Variants in PDE7B observed in about 807,000 individuals in gnomAD.
The protein encoded by PDE7B is 3',5'-cyclic-AMP phosphodiesterase 7B.
Under a neutral mutation model 56.2 loss-of-function variants are expected in PDE7B, and 29 were observed. That is an observed-to-expected ratio of 0.52 (90% CI 0.38 to 0.70). The LOEUF is 0.70. Among genes scored for constraint, PDE7B ranks in the 30% least tolerant of loss-of-function variants. The pLI, the probability that PDE7B is intolerant of heterozygous loss-of-function variation, is 0.00. For synonymous variants in PDE7B, 197 were observed against 196.9 expected (o/e 1.00, Z 0.00); for missense variants, 490 against 565.0 (o/e 0.87, Z 1.35).
intron 2 of PDE7B, among the ~76,000 whole-genome samples, chr6:136,042,411 C>T (rs186052721): frequency 2.8e-4 from 42 of 152,268 alleles, no homozygotes; most frequent in African/African-American, 8.4e-4. Context: ...ACCAAATAAC[C>T]GCAAACTCTG....
In PDE7B at chr6:136,015,964, G is replaced by A. The variant is rs117914030; in HGVS notation, c.82+68440G>A. ...TGAATTTGATATCTTTATTTTTAAT[G>A]TATGGAAAAGATGATGTTTTTCACT... On this transcript the variant is annotated intron_variant, in intron 2 of 12. Coordinates refer to ENST00000308191, the MANE Select transcript of PDE7B (RefSeq NM_018945.4). Among the ~76,000 whole-genome samples the A allele has an allele frequency of 1.7e-3, 256 of 152,222 alleles. 2 individuals carry two copies. In the East Asian group the frequency reaches 0.028, roughly 17 times the overall value.
chr6:136,104,563 TC>T (rs1777616534), intron 2 of PDE7B, among the ~76,000 whole-genome samples: 1 of 152,160 alleles, frequency 6.6e-6, no homozygotes, highest in Non-Finnish European at 1.5e-5. Context: ...CAATTTAATA[TC>T]AGAACAGGCT....
At chr6:135,862,500 T>A (rs1775169331) in intron 1 of PDE7B, among the ~76,000 whole-genome samples, 1 of 151,912 alleles carries the variant, frequency 6.6e-6, no homozygotes. Context: ...TTTTTTGTTA[T>A]GGCCTTATCA....
At chr6:136,056,821 C>T (rs1010288115) in intron 2 of PDE7B, among the ~76,000 whole-genome samples, 5 of 152,010 alleles carry the variant, frequency 3.3e-5, no homozygotes, top group East Asian at 1.9e-4. Flanking sequence ...CGTGAGCCAC[C>T]GCGCTTGGCC....
chr6:136,172,334 C>G (rs1034066581), intron 8 of PDE7B, among the ~76,000 whole-genome samples: 14 of 152,226 alleles, frequency 9.2e-5, no homozygotes, highest in African/African-American at 2.9e-4. Context: ...GCCATTCTAA[C>G]TGGTGTGAGA....
In PDE7B at chr6:136,155,643, C is replaced by T. The variant is rs536911085; in HGVS notation, c.596C>T (p.Thr199Met). 15 of 1,609,366 alleles carry T rather than the reference C, an allele frequency of 9.3e-6. No homozygotes were observed. Among genetic ancestry groups the T allele is most frequent in the African/African-American group, 2.7e-5 (2 of 74,928 alleles). ...LKEPKLASFL[T>M]PLDIMLGLLA... ...TTTTAACAGCTTGCCAGCTTCCTCA[C>T]GCCTCTGGACATCATGCTTGGACTG... The change falls in exon 8 of 13, where the codon ACG becomes ATG. Residue 199 changes from threonine (T) to methionine (M), a missense_variant. Physicochemically the swap from Thr to Met is moderately conservative, Grantham distance 81. Transcript: ENST00000308191.
chr6:136,021,659 A>AT (rs1776074643), intron 2 of PDE7B, among the ~76,000 whole-genome samples: 1 of 151,836 alleles, frequency 6.6e-6, no homozygotes, highest in African/African-American at 2.4e-5. Context: ...AAAAAAAAAA[A>AT]TCCTGAAACT....
At chr6:135,922,233 G>C (rs1056392171) in intron 1 of PDE7B, among the ~76,000 whole-genome samples, 14 of 152,126 alleles carry the variant, frequency 9.2e-5, no homozygotes, top group African/African-American at 2.9e-4. Context: ...CACAAGCCCA[G>C]AGTGGCATTT....
chr6:136,102,976 A>G (rs1445310574), intron 2 of PDE7B, among the ~76,000 whole-genome samples: 1 of 152,204 alleles, frequency 6.6e-6, no homozygotes, highest in Non-Finnish European at 1.5e-5. Flanking sequence ...GCAAATCAAG[A>G]TTTTTAAGAA....
intron 1 of PDE7B, among the ~76,000 whole-genome samples, chr6:135,883,481 TA>T (rs1470103709): frequency 1.1e-4 from 17 of 152,224 alleles, no homozygotes; most frequent in African/African-American, 3.1e-4. Flanking sequence ...CTATGAAAAG[TA>T]ATTTCTAAGT....
intron 2 of PDE7B, among the ~76,000 whole-genome samples, chr6:135,962,408 G>A (rs975014327): frequency 2.1e-4 from 32 of 152,062 alleles, no homozygotes; most frequent in Non-Finnish European, 3.5e-4. Flanking sequence ...AGTTGAATGC[G>A]AGAATTATAA....
chr6:135,903,643 A>G (rs1776045235), intron 1 of PDE7B, among the ~76,000 whole-genome samples: 2 of 152,246 alleles, frequency 1.3e-5, no homozygotes, highest in African/African-American at 2.4e-5. Flanking sequence ...AAAGAGGTCC[A>G]TGAACAAATT....
At chr6:135,923,871 T>C (rs1410810795) in intron 1 of PDE7B, among the ~76,000 whole-genome samples, 1 of 152,164 alleles carries the variant, frequency 6.6e-6, no homozygotes, top group Non-Finnish European at 1.5e-5. Context: ...ACCAACCAGT[T>C]GTTACCAAGA....
At chr6:135,987,547 CTTGAG>C (rs1397486940) in intron 2 of PDE7B, among the ~76,000 whole-genome samples, 3 of 152,102 alleles carry the variant, frequency 2.0e-5, no homozygotes, top group Non-Finnish European at 2.9e-5. Context: ...CAGAATAACA[CTTGAG>C]TTAAGTCGCA....
intron 2 of PDE7B, among the ~76,000 whole-genome samples, chr6:135,979,124 A>G (rs1027725004): frequency 5.9e-5 from 9 of 151,894 alleles, no homozygotes; most frequent in Non-Finnish European, 1.5e-5. Context: ...TTCTGCATCT[A>G]TTGAGATAAT....
chr6:135,867,401 T>C (rs1234083281), intron 1 of PDE7B, among the ~76,000 whole-genome samples: 1 of 152,170 alleles, frequency 6.6e-6, no homozygotes, highest in Non-Finnish European at 1.5e-5. Context: ...GAAAACATGT[T>C]AATACATCGT....
intron 2 of PDE7B, among the ~76,000 whole-genome samples, chr6:136,010,921 C>T (rs1583827314): frequency 6.6e-6 from 1 of 152,174 alleles, no homozygotes; most frequent in Non-Finnish European, 1.5e-5. Flanking sequence ...CCCAGAATTA[C>T]TGCAAGGGAG....
At chr6:135,883,207 G>T (rs1460849321) in intron 1 of PDE7B, among the ~76,000 whole-genome samples, 1 of 152,058 alleles carries the variant, frequency 6.6e-6, no homozygotes, top group African/African-American at 2.4e-5. Flanking sequence ...TCTATATATG[G>T]AAAATCCCCC....
chr6:136,124,116 A>T (rs1777982295), intron 3 of PDE7B, among the ~76,000 whole-genome samples: 1 of 152,142 alleles, frequency 6.6e-6, no homozygotes, highest in Non-Finnish European at 1.5e-5. Context: ...ATGAATACTT[A>T]TACTCCTTTA....
Sources: allele counts gnomAD v4.1 joint callset (sites outside exome capture counted in the v4.1 genomes callset), GRCh38; gene constraint gnomAD v4.1.1; transcripts MANE v1.5; gene names NCBI Gene and HGNC (gene_info 2026-07-23, HGNC 2026-07-21).